ADGRL4: variants seen among roughly 807,000 people sequenced by gnomAD.
ADGRL4 encodes adhesion G protein-coupled receptor L4.
A neutral mutation model predicts 74.8 loss-of-function variants in ADGRL4; 90 were observed. The observed-to-expected ratio is 1.20, with a 90% CI of 1.02 to 1.43. ADGRL4 has a LOEUF of 1.43. ADGRL4 is among the 40% of genes most tolerant of loss of function. The pLI is 0.00. For missense variants in ADGRL4, 881 were observed against 814.3 expected (o/e 1.08, Z -1.00); for synonymous variants, 311 against 279.2 (o/e 1.11, Z -1.14).
intron 2 of ADGRL4, among the ~76,000 whole-genome samples, chr1:78,992,861 C>G (rs1401756344): frequency 6.6e-6 from 1 of 151,984 alleles, no homozygotes; most frequent in Non-Finnish European, 1.5e-5. Context: ...ACAAACTATA[C>G]AAATCTATGT....
chr1:78,892,917 A>T lies in ADGRL4; in HGVS notation c.1841+181T>A, dbSNP rs1260682060. 2.0e-5 allele frequency among the ~76,000 whole-genome samples: 3 copies of T among 151,980 alleles called. No homozygotes were observed. The East Asian group carries it at 5.8e-4, about 29-fold the overall frequency. On this transcript the variant is annotated intron_variant, in intron 13 of 14. Coordinates refer to ENST00000370742, the MANE Select transcript of ADGRL4 (RefSeq NM_022159.4). The stretch of plus-strand genomic sequence containing the variant: ...TGAAAAAATTGCTTCTTACCACTGA[A>T]TCTGCAGTAATTGTAGTCTTAATAT...
intron 12 of ADGRL4, among the ~76,000 whole-genome samples, chr1:78,904,164 T>C (rs1164008071): frequency 1.3e-5 from 2 of 151,808 alleles, no homozygotes; most frequent in African/African-American, 4.8e-5. Context: ...GAAAGTGCAA[T>C]AATAAAACAT....
intron 12 of ADGRL4, among the ~76,000 whole-genome samples, chr1:78,899,296 C>A (rs1424658337): frequency 6.6e-6 from 1 of 152,194 alleles, no homozygotes; most frequent in Non-Finnish European, 1.5e-5. Flanking sequence ...TACTGAATAG[C>A]CATATACAGC....
At chr1:78,936,682 T>C (rs1180192065) in intron 6 of ADGRL4, among the ~76,000 whole-genome samples, 1 of 152,162 alleles carries the variant, frequency 6.6e-6, no homozygotes, top group African/African-American at 2.4e-5. Context: ...CCAAGCAAGC[T>C]ATAAAATTAT....
intron 2 of ADGRL4, among the ~76,000 whole-genome samples, chr1:78,976,168 A>C (rs187198387): frequency 6.6e-6 from 1 of 152,064 alleles, no homozygotes; most frequent in Non-Finnish European, 1.5e-5. Context: ...ACAAACAAGC[A>C]AAAACATGAG....
chr1:78,966,133 G>A (rs538833382), intron 2 of ADGRL4, among the ~76,000 whole-genome samples: 4 of 152,208 alleles, frequency 2.6e-5, no homozygotes, highest in South Asian at 2.1e-4. Context: ...ATAGCCAGGC[G>A]GGAAGAAGCT....
At chr1:78,997,161 C>A (rs907679090) in intron 2 of ADGRL4, among the ~76,000 whole-genome samples, 43 of 140,644 alleles carry the variant, frequency 3.1e-4, no homozygotes, top group Non-Finnish European at 1.4e-4. Flanking sequence ...AGGTCTGGAC[C>A]TAGATTAAAA....
Position 78,946,377 on chromosome 1 carries a change from A to G in ADGRL4, c.222T>C (p.Asn74=), listed in dbSNP as rs758806892. 1 of 1,613,034 alleles carries G rather than the reference A, an allele frequency of 6.2e-7. No homozygotes were observed. ...NLTQSCGENA[N]CTNTEGSYYC... The stretch of plus-strand genomic sequence containing the variant: ...AATAACTTCCTTCTGTGTTAGTGCA[A>G]TTAGCATTTTCGCCACAGGACTGAG... The change falls in exon 3 of 15, where the codon AAT becomes AAC. Residue 74 remains asparagine, a synonymous_variant. Transcript: ENST00000370742.
At position 79,006,625 on chromosome 1, in the gene ADGRL4, G is replaced by T; in HGVS notation, c.22+8C>A. 6.5e-7 allele frequency: 1 copy of T among 1,534,798 alleles called. No individual in the cohort carries two copies. The highest frequency in any genetic ancestry group is 2.6e-5 in the East Asian group (1 of 38,896). On this transcript the variant is annotated splice_region_variant and intron_variant, in intron 1 of 14. Transcript: ENST00000370742. ...CGACCTCGGCGACCAGGGGCGCTGAGCACTCACCTAGGAGCGGGAGGCGTT... is the reference window on the plus strand; with the variant it reads ...CGACCTCGGCGACCAGGGGCGCTGATCACTCACCTAGGAGCGGGAGGCGTT...
chr1:78,956,521 CT>C (rs1305201131), intron 2 of ADGRL4, among the ~76,000 whole-genome samples: 2 of 152,122 alleles, frequency 1.3e-5, no homozygotes, highest in Non-Finnish European at 2.9e-5. Context: ...TCTATGTTAG[CT>C]TTTAATTTTT....
intron 2 of ADGRL4, among the ~76,000 whole-genome samples, chr1:78,999,411 T>G (rs1366171922): frequency 6.6e-6 from 1 of 152,114 alleles, no homozygotes; most frequent in Non-Finnish European, 1.5e-5. Context: ...AGAATACAAT[T>G]TTTTACAAAC....
intron 2 of ADGRL4, among the ~76,000 whole-genome samples, chr1:78,960,886 T>C (rs148267820): frequency 0.013 from 1,921 of 152,252 alleles, 53 homozygotes; most frequent in African/African-American, 0.044. Context: ...CTGTGAGCAA[T>C]GAATTTTTGT....
At chr1:78,913,515 T>C (rs899224879) in intron 12 of ADGRL4, among the ~76,000 whole-genome samples, 1 of 151,744 alleles carries the variant, frequency 6.6e-6, no homozygotes, top group Non-Finnish European at 1.5e-5. Context: ...TGCAAACTAA[T>C]GCAGGAACAG....
At position 78,938,930 on chromosome 1, in the gene ADGRL4, C is replaced by T. The variant is rs973313; in HGVS notation, c.396+258G>A. On this transcript the variant is annotated intron_variant, in intron 4 of 14. Coordinates refer to ENST00000370742, the MANE Select transcript of ADGRL4 (RefSeq NM_022159.4). ...TATTTTTTAATCAACATTTTTTACA[C>T]AAAAAGAATTTTCCAACATATGGAG... Among the ~76,000 whole-genome samples the T allele has an allele frequency of 0.073, 11,153 of 151,970 alleles. 474 individuals are homozygous for T. The highest frequency in any genetic ancestry group is 0.11 in the African/African-American group (4,659 of 41,506).
At chr1:78,945,177 A>AAAAAATATATATAT (rs376405445) in intron 3 of ADGRL4, among the ~76,000 whole-genome samples, 1 of 127,924 alleles carries the variant, frequency 7.8e-6, no homozygotes, top group African/African-American at 2.9e-5. Flanking sequence ...AAAAAAAAAA[A>AAAAAATATATATAT]ATATATATAT....
At chr1:78,896,070 T>C (rs2635121) in intron 12 of ADGRL4, among the ~76,000 whole-genome samples, 146,110 of 152,070 alleles carry the variant, frequency 0.96, 70,229 homozygotes, top group East Asian at 1. Flanking sequence ...TTGAACCTAT[T>C]TATGTACTCT....
intron 12 of ADGRL4, among the ~76,000 whole-genome samples, chr1:78,902,970 A>G (rs1291938944): frequency 6.6e-6 from 1 of 152,152 alleles, no homozygotes; most frequent in African/African-American, 2.4e-5. Flanking sequence ...TCATTTCATG[A>G]TAGTGGTTTC....
intron 2 of ADGRL4, among the ~76,000 whole-genome samples, chr1:78,957,848 A>G (rs2100705185): frequency 6.6e-6 from 1 of 152,296 alleles, no homozygotes; most frequent in Admixed American, 6.5e-5. Flanking sequence ...TTTCATAGCT[A>G]GAGAGGAGAA....
At chr1:79,001,422 AAAAGAAAG>A (rs201049265) in intron 2 of ADGRL4, among the ~76,000 whole-genome samples, 7 of 151,772 alleles carry the variant, frequency 4.6e-5, no homozygotes, top group Non-Finnish European at 7.4e-5. Flanking sequence ...CTTAAGACAA[AAAAGAAAG>A]AAAGAAAGAA....
Sources: allele counts gnomAD v4.1 joint callset (sites outside exome capture counted in the v4.1 genomes callset), GRCh38; gene constraint gnomAD v4.1.1; transcripts MANE v1.5; gene names NCBI Gene and HGNC (gene_info 2026-07-23, HGNC 2026-07-21).